Variants in FMN1 observed in about 807,000 individuals in gnomAD.
FMN1 encodes the protein formin-1.
A neutral mutation model predicts 132.4 loss-of-function variants in FMN1; 110 were observed. The ratio of observed to expected loss-of-function variants is 0.83; its 90% CI spans 0.71 to 0.97. FMN1 has a LOEUF of 0.97. FMN1 is among the 50% of genes least tolerant of loss of function. The pLI, the probability that FMN1 is intolerant of heterozygous loss-of-function variation, is 0.00. For synonymous variants in FMN1, 722 were observed against 651.7 expected (o/e 1.11, Z -1.64); for missense variants, 1,792 against 1,705.3 (o/e 1.05, Z -0.90).
intron 6 of FMN1, among the ~76,000 whole-genome samples, chr15:33,044,982 C>A (rs1053079516): frequency 6.6e-6 from 1 of 152,244 alleles, no homozygotes; most frequent in Non-Finnish European, 1.5e-5. Context: ...CCCTTGCTTG[C>A]CACATTGTGG....
At chr15:32,877,425 A>T (rs775184353) in intron 16 of FMN1, among the ~76,000 whole-genome samples, 3 of 151,978 alleles carry the variant, frequency 2.0e-5, no homozygotes, top group East Asian at 1.9e-4. Flanking sequence ...TTGACTTTTT[A>T]AAAAAAAGTC....
chr15:32,943,909 C>T (rs1030777153), intron 9 of FMN1, among the ~76,000 whole-genome samples: 3 of 152,098 alleles, frequency 2.0e-5, no homozygotes, highest in African/African-American at 4.8e-5. Context: ...TGATGCAAAA[C>T]GATGCAAGGC....
intron 7 of FMN1, among the ~76,000 whole-genome samples, chr15:32,981,575 CTAACA>C (rs1489787986): frequency 1.4e-5 from 2 of 147,978 alleles, no homozygotes; most frequent in African/African-American, 4.9e-5. Flanking sequence ...ACATTCTGTG[CTAACA>C]TAAGACTCAA....
intron 14 of FMN1, 35 bp from the exon 15 acceptor site, chr15:32,898,928 TC>T (rs1212241151): frequency 5.8e-6 from 8 of 1,382,994 alleles, no homozygotes; most frequent in Non-Finnish European, 8.2e-6. Context: ...TGAAAATCAT[TC>T]CCATGAGACT....
At chr15:33,169,571 T>A (rs186147510) in intron 3 of FMN1, among the ~76,000 whole-genome samples, 19 of 152,222 alleles carry the variant, frequency 1.2e-4, no homozygotes, top group African/African-American at 4.1e-4. Context: ...ATTAAAGAAC[T>A]CTGAACACAG....
chr15:32,908,621 A>T, intron 11 of FMN1, 43 bp from the exon 12 acceptor site: 1 of 1,049,102 alleles, frequency 9.5e-7, no homozygotes, highest in Non-Finnish European at 1.4e-6. Flanking sequence ...AAAAAAAAAA[A>T]AAGGGAAGTG....
intron 17 of FMN1, among the ~76,000 whole-genome samples, chr15:32,833,907 G>A (rs897340576): frequency 1.3e-5 from 2 of 152,102 alleles, no homozygotes; most frequent in South Asian, 2.1e-4. Flanking sequence ...ACTCTCTTGG[G>A]TTCCTCCATA....
chr15:33,153,512 T>C lies in FMN1; in HGVS notation c.1403A>G (p.Lys468Arg). The C allele has an allele frequency of 2.6e-6, 4 of 1,536,448 alleles. No homozygotes were observed. Among genetic ancestry groups the C allele is most frequent in the Non-Finnish European group, 3.5e-6 (4 of 1,146,974 alleles). Reference protein sequence around the residue: ...RRAGLPLGGHKSLFLDLPHKV... With the variant: ...RRAGLPLGGHRSLFLDLPHKV... Reference sequence around the variant, plus strand: ...GTGGGGCAGATCCAGAAACAAGGACTTGTGGCCACCAAGGGGCAACCCGGC... The same window carrying C: ...GTGGGGCAGATCCAGAAACAAGGACCTGTGGCCACCAAGGGGCAACCCGGC... The change falls in exon 4 of 21, where the codon AAG becomes AGG. Residue 468 changes from lysine (K) to arginine (R), a missense_variant. Lys to Arg is a conservative substitution (Grantham distance 26). This residue lies in a region of FMN1 where 638 missense variants were observed against 645.2 expected (regional missense o/e 0.99). Coordinates refer to ENST00000616417, the MANE Select transcript of FMN1 (RefSeq NM_001277313.2).
At chr15:33,100,299 A>G (rs1419431510) in intron 4 of FMN1, among the ~76,000 whole-genome samples, 1 of 152,154 alleles carries the variant, frequency 6.6e-6, no homozygotes, top group Admixed American at 6.5e-5. Flanking sequence ...GAATGCCTCA[A>G]TAAATGAATG....
At chr15:33,126,672 G>C (rs1595533031) in intron 4 of FMN1, among the ~76,000 whole-genome samples, 1 of 90,118 alleles carries the variant, frequency 1.1e-5, no homozygotes, top group East Asian at 8.1e-4. Flanking sequence ...CCCAGAATGG[G>C]ACCAACTCAG....
intron 17 of FMN1, among the ~76,000 whole-genome samples, chr15:32,843,855 A>G (rs1490180430): frequency 2.0e-5 from 3 of 152,230 alleles, no homozygotes; most frequent in Non-Finnish European, 4.4e-5. Flanking sequence ...AGGTTTTGCT[A>G]AATTTATAAA....
chr15:32,905,904 C>T (rs538131250), intron 12 of FMN1, among the ~76,000 whole-genome samples: 3 of 152,210 alleles, frequency 2.0e-5, no homozygotes, highest in East Asian at 1.9e-4. Context: ...CCCATCTATC[C>T]GTGCCTCACC....
rs143828080 is a variant in FMN1, at chr15:32,953,100, C to T, written c.3138+11007G>A. 1.9e-3 allele frequency among the ~76,000 whole-genome samples: 292 copies of T among 152,296 alleles called. 2 individuals carry two copies. Among genetic ancestry groups the T allele is most frequent in the African/African-American group, 6.8e-3 (283 of 41,562 alleles). ...GCGAGCGAGCATGATTTGATTCACC[C>T]GCTCTTCAGAGTCCAATCCCTTTTG... On this transcript the variant is annotated intron_variant, in intron 9 of 20. Coordinates refer to ENST00000616417, the MANE Select transcript of FMN1 (RefSeq NM_001277313.2).
chr15:32,792,114 G>A (rs2057102608), intron 19 of FMN1, among the ~76,000 whole-genome samples: 3 of 151,930 alleles, frequency 2.0e-5, no homozygotes, highest in Non-Finnish European at 4.4e-5. Flanking sequence ...TTCGCAGAGA[G>A]ACCCAATATA....
intron 5 of FMN1, chr15:33,067,821 C>T (rs750097811): frequency 8.1e-6 from 13 of 1,613,832 alleles, no homozygotes; most frequent in African/African-American, 5.3e-5. Flanking sequence ...ACTTCAAGTC[C>T]GGCTTCTGGT....
intron 5 of FMN1, among the ~76,000 whole-genome samples, chr15:33,078,657 AC>A (rs960540360): frequency 3.3e-5 from 5 of 151,836 alleles, no homozygotes; most frequent in African/African-American, 1.2e-4. Context: ...AAAAAAAAAA[AC>A]AACTGGGCCA....
intron 17 of FMN1, among the ~76,000 whole-genome samples, chr15:32,828,217 T>C (rs911248666): frequency 6.6e-6 from 1 of 152,098 alleles, no homozygotes; most frequent in Non-Finnish European, 1.5e-5. Flanking sequence ...GAGGTTGCAG[T>C]GAGCCCAGAT....
chr15:32,895,741 G>GT (rs983575046), intron 15 of FMN1, among the ~76,000 whole-genome samples: 2 of 115,702 alleles, frequency 1.7e-5, no homozygotes, highest in African/African-American at 4.2e-5. Flanking sequence ...AAGGAAGAAA[G>GT]TTTTTTTTCT....
At chr15:32,805,488 A>G (rs1248277238) in intron 17 of FMN1, among the ~76,000 whole-genome samples, 2 of 152,152 alleles carry the variant, frequency 1.3e-5, no homozygotes, top group Admixed American at 1.3e-4. Flanking sequence ...TCTGCTGTGC[A>G]GAAGCTCTTT....
Sources: gnomAD v4.1 joint callset for allele counts (sites outside exome capture counted in the v4.1 genomes callset) on GRCh38, gnomAD v4.1.1 for gene constraint, gnomAD v4.1.1 regional missense constraint, MANE v1.5 for transcripts, NCBI Gene and HGNC (gene_info 2026-07-23, HGNC 2026-07-21) for gene names.